The following EYA4 variants were observed in gnomAD, a reference collection of about 807,000 sequenced individuals.
The protein encoded by EYA4 is EYA transcriptional coactivator and phosphatase 4, also known as protein phosphatase EYA4.
Under a neutral mutation model 87.9 loss-of-function variants are expected in EYA4, and 31 were observed. The observed-to-expected ratio is 0.35, with a 90% CI of 0.27 to 0.48. The LOEUF is 0.48. Ranked by LOEUF, EYA4 falls within the 20% of genes least tolerant of loss-of-function variation. The probability of loss-of-function intolerance (pLI) is 0.99; values close to 1 mark genes in which losing one functional copy is unlikely to be tolerated. For synonymous variants in EYA4, 263 were observed against 270.6 expected (o/e 0.97, Z 0.28); for missense variants, 678 against 761.4 (o/e 0.89, Z 1.29).
intron 2 of EYA4, among the ~76,000 whole-genome samples, chr6:133,313,503 C>T (rs955018392): frequency 6.6e-6 from 1 of 152,108 alleles, no homozygotes; most frequent in Admixed American, 6.6e-5. Flanking sequence ...AGCTGATCTA[C>T]AGTATATTTT....
chr6:133,259,336 A>G (rs998048557), intron 1 of EYA4, among the ~76,000 whole-genome samples: 12 of 152,238 alleles, frequency 7.9e-5, no homozygotes, highest in Non-Finnish European at 1.6e-4. Flanking sequence ...GACACATAGC[A>G]GGGAAGCATA....
intron 1 of EYA4, among the ~76,000 whole-genome samples, chr6:133,255,979 A>G (rs1204191650): frequency 1.3e-5 from 2 of 152,004 alleles, no homozygotes; most frequent in Non-Finnish European, 2.9e-5. Context: ...AAATACCAAA[A>G]TGCTTTTTAA....
intron 10 of EYA4, among the ~76,000 whole-genome samples, chr6:133,465,348 TTC>T (rs1794755358): frequency 6.6e-6 from 1 of 152,164 alleles, no homozygotes; most frequent in African/African-American, 2.4e-5. Context: ...TAAATAATTT[TTC>T]TGTTTTTTAG....
intron 13 of EYA4, among the ~76,000 whole-genome samples, chr6:133,499,019 A>G (rs540771003): frequency 7.9e-5 from 12 of 152,340 alleles, no homozygotes; most frequent in African/African-American, 2.4e-4. Context: ...AGGACATCAC[A>G]TTGATTAACT....
At chr6:133,478,556 A>C (rs1795940858) in intron 11 of EYA4, among the ~76,000 whole-genome samples, 1 of 152,170 alleles carries the variant, frequency 6.6e-6, no homozygotes, top group Non-Finnish European at 1.5e-5. Context: ...AAACACATAT[A>C]TTTCAATAAA....
At chr6:133,408,226 C>A (rs1788897422) in intron 3 of EYA4, among the ~76,000 whole-genome samples, 2 of 152,124 alleles carry the variant, frequency 1.3e-5, no homozygotes, top group South Asian at 4.1e-4. Context: ...TGGGGAATAC[C>A]TGGCTGAAGG....
intron 12 of EYA4, among the ~76,000 whole-genome samples, chr6:133,482,170 C>T (rs1796271110): frequency 6.6e-6 from 1 of 152,172 alleles, no homozygotes; most frequent in Admixed American, 6.5e-5. Context: ...AGAAACTATT[C>T]TTAACCATAA....
intron 16 of EYA4, among the ~76,000 whole-genome samples, 200 bp from the exon 17 acceptor site, chr6:133,515,121 T>C (rs945275324): frequency 6.6e-6 from 1 of 152,188 alleles, no homozygotes; most frequent in African/African-American, 2.4e-5. Context: ...GACCTAGAAG[T>C]TCAGTAAATA....
At chr6:133,242,563 T>C (rs1218038795) in intron 1 of EYA4, among the ~76,000 whole-genome samples, 1 of 152,128 alleles carries the variant, frequency 6.6e-6, no homozygotes. Flanking sequence ...TTGAAATGGC[T>C]CGGATTTTTA....
chr6:133,407,545 C>A (rs1465991964), intron 3 of EYA4, among the ~76,000 whole-genome samples: 7 of 151,994 alleles, frequency 4.6e-5, no homozygotes, highest in Admixed American at 4.6e-4. Flanking sequence ...ATGCCAACCC[C>A]CCTCACTTTT....
rs1781526424 is a variant in EYA4, at chr6:133,326,719, C to T, written c.33+51906C>T. On this transcript the variant is annotated intron_variant, in intron 2 of 19. Transcript: ENST00000355286. ...GCCTGGACACAGGGACCGATTGTTC[C>T]CCAGAGTCCTGGATTCCCTTCCTCA... 2.0e-5 allele frequency among the ~76,000 whole-genome samples: 3 copies of T among 152,206 alleles called. No individual in the cohort carries two copies. The South Asian group carries it at 6.2e-4, about 32-fold the overall frequency.
Position 133,529,089 on chromosome 6 carries a change from G to T in EYA4, c.*284G>T. The T allele has an allele frequency of 7.5e-6, 9 of 1,207,726 alleles. No homozygotes were observed. Among genetic ancestry groups the T allele is most frequent in the Non-Finnish European group, 9.4e-6 (9 of 960,386 alleles). 74.8% of individuals were successfully genotyped at this position (1,207,726 alleles called of 1,614,324 possible). On this transcript the variant is annotated 3_prime_UTR_variant, in exon 20 of 20. Coordinates refer to ENST00000355286, the MANE Select transcript of EYA4 (RefSeq NM_004100.5). ...AAATGAGTCCAAACTGGAATGAGCA[G>T]CTTTAGCAAAGAACTCTTACCCTGG...
At chr6:133,269,792 GAT>G (rs3065328) in intron 1 of EYA4, among the ~76,000 whole-genome samples, 10 of 150,544 alleles carry the variant, frequency 6.6e-5, no homozygotes, top group Non-Finnish European at 1.0e-4. Flanking sequence ...GAACTAATAG[GAT>G]ATATATATAT....
intron 5 of EYA4, among the ~76,000 whole-genome samples, chr6:133,449,739 A>G (rs17062564): frequency 0.077 from 11,790 of 152,310 alleles, 1,357 homozygotes; most frequent in African/African-American, 0.25. Context: ...TAAATTGCTT[A>G]ACAATAAATA....
intron 2 of EYA4, among the ~76,000 whole-genome samples, chr6:133,379,368 CA>C (rs1049554812): frequency 1.3e-5 from 2 of 151,966 alleles, no homozygotes; most frequent in Admixed American, 1.3e-4. Flanking sequence ...AGAGTGTGTT[CA>C]AATTAGGTAA....
intron 2 of EYA4, among the ~76,000 whole-genome samples, chr6:133,369,928 C>CTGCTGA (rs55635060): frequency 0.67 from 100,464 of 151,052 alleles, 33,886 homozygotes; most frequent in Non-Finnish European, 0.74. Flanking sequence ...AAGACAGGAG[C>CTGCTGA]TGCTGATGAG....
Position 133,531,287 on chromosome 6 carries a change from G to A in EYA4, c.*2482G>A, listed in dbSNP as rs1375124790. On this transcript the variant is annotated 3_prime_UTR_variant, in exon 20 of 20. Transcript: ENST00000355286. ...TGGCACAACAATGGTGCAGGCCCAC[G>A]AGCCAGCATCACAGCTTGGCCATGG... The A allele has an allele frequency of 2.8e-5, 37 of 1,307,824 alleles. No individual in the cohort carries two copies. Among genetic ancestry groups the A allele is most frequent in the South Asian group, 1.5e-4 (12 of 79,280 alleles). 81.0% of individuals were successfully genotyped at this position (1,307,824 alleles called of 1,614,324 possible). A position where few individuals can be genotyped will look rare whatever the true frequency, so the allele number is the denominator to read the frequency against.
chr6:133,299,951 C>CTA lies in EYA4; in HGVS notation c.33+25140_33+25141dup, dbSNP rs1252685993. ...TCTATCTATCTATCTATCTATCTAT[C>CTA]TATCTATATATATATATATCTTTTG... On this transcript the variant is annotated intron_variant, in intron 2 of 19. Coordinates refer to ENST00000355286, the MANE Select transcript of EYA4 (RefSeq NM_004100.5). 1.3e-3 allele frequency among the ~76,000 whole-genome samples: 165 copies of CTA among 130,956 alleles called. 1 individual carries two copies. The highest frequency in any genetic ancestry group is 8.0e-3 in the Middle Eastern group (2 of 250). 85.9% of individuals were successfully genotyped at this position (130,956 alleles called of 152,430 possible). A position where few individuals can be genotyped will look rare whatever the true frequency, so the allele number is the denominator to read the frequency against.
At chr6:133,419,133 C>T (rs1385978748) in intron 3 of EYA4, among the ~76,000 whole-genome samples, 3 of 152,148 alleles carry the variant, frequency 2.0e-5, no homozygotes, top group Non-Finnish European at 2.9e-5. Context: ...AGGCCCTGCA[C>T]GGCCTTACAA....
Sources: gnomAD v4.1 joint callset for allele counts (sites outside exome capture counted in the v4.1 genomes callset) on GRCh38, gnomAD v4.1.1 for gene constraint, MANE v1.5 for transcripts, NCBI Gene and HGNC (gene_info 2026-07-23, HGNC 2026-07-21) for gene names.